The following MAGI2 variants were observed in gnomAD, a reference collection of about 807,000 sequenced individuals.
MAGI2 encodes membrane associated guanylate kinase, WW and PDZ domain containing 2.
In MAGI2, 35 loss-of-function variants were observed where a neutral mutation model predicts 133.3. The observed-to-expected ratio is 0.26, with a 90% confidence interval of 0.20 to 0.35. The LOEUF is 0.35. MAGI2 is among the 10% of genes least tolerant of loss of function. The pLI, the probability that MAGI2 is intolerant of heterozygous loss-of-function variation, is 1.00. For synonymous variants in MAGI2, 729 were observed against 710.6 expected, an observed-to-expected ratio of 1.03 and a Z score of -0.41; for missense variants, 1,636 against 1,863.4, an observed-to-expected ratio of 0.88 and a Z score of 2.25.
intron 2 of MAGI2, among the ~76,000 whole-genome samples, chr7:78,726,635 G>A (rs933215788): frequency 6.6e-6 from 1 of 151,978 alleles, no homozygotes; most frequent in Non-Finnish European, 1.5e-5. Context: ...GGAATAAATG[G>A]TTTCAACATT....
chr7:78,523,750 GCCC>G (rs1428835724), intron 3 of MAGI2, among the ~76,000 whole-genome samples: 1 of 152,014 alleles, frequency 6.6e-6, no homozygotes, highest in Non-Finnish European at 1.5e-5. Context: ...GGGGGAAACT[GCCC>G]CCATGATTCA....
chr7:78,087,984 A>G (rs867818340), intron 20 of MAGI2, among the ~76,000 whole-genome samples: 44 of 152,218 alleles, frequency 2.9e-4, no homozygotes, highest in African/African-American at 1.0e-3. Flanking sequence ...AAGAATAGAA[A>G]GCTATCACTG....
chr7:78,986,348 G>A (rs963589316), intron 2 of MAGI2, among the ~76,000 whole-genome samples: 1 of 151,940 alleles, frequency 6.6e-6, no homozygotes, highest in African/African-American at 2.4e-5. Context: ...ATACACAAAT[G>A]ATCAAACAAA....
intron 2 of MAGI2, among the ~76,000 whole-genome samples, chr7:78,793,559 C>T (rs558373448): frequency 3.6e-4 from 55 of 151,730 alleles, no homozygotes; most frequent in Non-Finnish European, 6.8e-4. Flanking sequence ...ATAGATGGTT[C>T]AATATTTGGA....
At chr7:78,232,505 C>T (rs1189575854) in intron 10 of MAGI2, among the ~76,000 whole-genome samples, 5 of 152,162 alleles carry the variant, frequency 3.3e-5, no homozygotes, top group Non-Finnish European at 7.3e-5. Context: ...ATCGGAGATT[C>T]GGTGATCATT....
chr7:78,544,189 C>G (rs1045914539), intron 3 of MAGI2, among the ~76,000 whole-genome samples: 51 of 152,188 alleles, frequency 3.4e-4, no homozygotes, highest in Non-Finnish European at 8.8e-5. Flanking sequence ...CTGGTAGTGA[C>G]TACAAGTTAT....
At position 78,019,737 on chromosome 7, in the gene MAGI2, G is replaced by A; in HGVS notation, c.3946C>T (p.Arg1316Cys). The A allele has an allele frequency of 1.9e-6, 3 of 1,609,136 alleles. No homozygotes were observed. The highest frequency in any genetic ancestry group is 2.5e-6 in the Non-Finnish European group (3 of 1,178,892). ...GCGGCCCTCTGCGGACTCGCCGAGC[G>A]CTCCCTCTGCTCCCCGAGGCGCTGC... Reference protein sequence around the residue: ...KKQRLGEQRERSASPQRAARP... With the variant: ...KKQRLGEQRECSASPQRAARP... The change falls in exon 22 of 22, where the codon CGC becomes TGC. Residue 1316 changes from arginine to cysteine, a missense_variant. Transcript: ENST00000354212.
At chr7:79,239,152 T>G (rs1313058016) in intron 1 of MAGI2, among the ~76,000 whole-genome samples, 2 of 152,172 alleles carry the variant, frequency 1.3e-5, no homozygotes, top group African/African-American at 4.8e-5. Flanking sequence ...TATTACTACA[T>G]GAACATAAAA....
chr7:78,978,308 C>T (rs888160527), intron 2 of MAGI2, among the ~76,000 whole-genome samples: 1 of 151,846 alleles, frequency 6.6e-6, no homozygotes, highest in Non-Finnish European at 1.5e-5. Flanking sequence ...AACTATGGTG[C>T]ACACATATAA....
chr7:78,830,033 A>G (rs1314641550), intron 2 of MAGI2, among the ~76,000 whole-genome samples: 1 of 152,056 alleles, frequency 6.6e-6, no homozygotes, highest in African/African-American at 2.4e-5. Context: ...AAATATTTCA[A>G]AATTTGTTTC....
At chr7:78,781,834 C>T (rs1316808992) in intron 2 of MAGI2, among the ~76,000 whole-genome samples, 1 of 152,128 alleles carries the variant, frequency 6.6e-6, no homozygotes, top group Non-Finnish European at 1.5e-5. Context: ...TGGAAGAGGT[C>T]ACTGTAAGAA....
intron 1 of MAGI2, among the ~76,000 whole-genome samples, chr7:79,140,511 A>C (rs571267220): frequency 1.3e-5 from 2 of 152,176 alleles, no homozygotes; most frequent in Non-Finnish European, 2.9e-5. Flanking sequence ...TTAAAAAATA[A>C]TAACTAGATA....
intron 2 of MAGI2, among the ~76,000 whole-genome samples, chr7:78,846,526 T>C (rs1214220791): frequency 6.6e-6 from 1 of 151,956 alleles, no homozygotes; most frequent in East Asian, 1.9e-4. Context: ...GAATAGTTTA[T>C]CTTGTGAAGA....
chr7:78,990,768 T>A (rs1427597692), intron 2 of MAGI2, among the ~76,000 whole-genome samples: 3 of 152,026 alleles, frequency 2.0e-5, no homozygotes, highest in African/African-American at 7.2e-5. Flanking sequence ...CAAGCTGCAT[T>A]AAAAATCTGT....
At chr7:79,395,756 T>C (rs1049137455) in intron 1 of MAGI2, among the ~76,000 whole-genome samples, 1 of 152,186 alleles carries the variant, frequency 6.6e-6, no homozygotes, top group African/African-American at 2.4e-5. Context: ...TGTGATTTTA[T>C]GACACCTGCA....
intron 1 of MAGI2, among the ~76,000 whole-genome samples, chr7:79,391,435 A>C (rs1180586581): frequency 2.0e-5 from 3 of 149,768 alleles, no homozygotes; most frequent in African/African-American, 7.3e-5. Context: ...AAAATCTGTT[A>C]AAGAAACGGT....
chr7:79,179,495 T>C (rs1395434603), intron 1 of MAGI2, among the ~76,000 whole-genome samples: 1 of 151,930 alleles, frequency 6.6e-6, no homozygotes, highest in Non-Finnish European at 1.5e-5. Context: ...AGAATAAAGT[T>C]GGAGGTATAA....
intron 14 of MAGI2, among the ~76,000 whole-genome samples, chr7:78,175,709 G>T (rs187219022): frequency 2.0e-5 from 3 of 152,250 alleles, no homozygotes; most frequent in Admixed American, 2.0e-4. Flanking sequence ...TTCAGCAGAC[G>T]CCAGGAGTCT....
intron 21 of MAGI2, among the ~76,000 whole-genome samples, chr7:78,043,603 C>CT (rs1188925292): frequency 6.6e-6 from 1 of 152,198 alleles, no homozygotes; most frequent in Non-Finnish European, 1.5e-5. Flanking sequence ...GTGCCTTCTT[C>CT]TTTTTTAGCC....
Sources: allele counts gnomAD v4.1 joint callset (sites outside exome capture counted in the v4.1 genomes callset), GRCh38; gene constraint gnomAD v4.1.1; transcripts MANE v1.5; gene names NCBI Gene and HGNC (gene_info 2026-07-23, HGNC 2026-07-21).